Variants in MFAP1 observed in about 807,000 individuals in gnomAD.
MFAP1 encodes microfibril associated protein 1, also known as microfibrillar-associated protein 1.
Under a neutral mutation model 62.2 loss-of-function variants are expected in MFAP1, and 18 were observed. That is an observed-to-expected ratio of 0.29 (90% CI 0.20 to 0.43). The LOEUF is 0.43. Ranked by LOEUF, MFAP1 falls within the 20% of genes least tolerant of loss-of-function variation. MFAP1 has a pLI of 1.00. For missense variants in MFAP1, 355 were observed against 559.7 expected, an observed-to-expected ratio of 0.63 and a Z score of 3.69; for synonymous variants, 175 against 180.4, an observed-to-expected ratio of 0.97 and a Z score of 0.24.
At chr15:43,821,361 T>G (rs529761226) in intron 1 of MFAP1, among the ~76,000 whole-genome samples, 1 of 152,000 alleles carries the variant, frequency 6.6e-6, no homozygotes, top group Non-Finnish European at 1.5e-5. Context: ...CATTAAAAGT[T>G]GTCTCCAGGC....
intron 4 of MFAP1, 151 bp from the exon 5 acceptor site, chr15:43,813,508 C>CTTTT (rs10709037): frequency 2.8e-5 from 7 of 249,380 alleles, no homozygotes; most frequent in South Asian, 8.5e-5. Flanking sequence ...CATCCCAGGT[C>CTTTT]TTTTTTTTTT....
At chr15:43,808,526 G>A (rs2087379701) in intron 7 of MFAP1, among the ~76,000 whole-genome samples, 1 of 152,306 alleles carries the variant, frequency 6.6e-6, no homozygotes, top group Admixed American at 6.5e-5. Flanking sequence ...CTTTTCTTAT[G>A]TATCTTAACT....
intron 2 of MFAP1, among the ~76,000 whole-genome samples, chr15:43,816,237 T>G (rs1383257267): frequency 7.1e-6 from 1 of 141,270 alleles, no homozygotes; most frequent in Non-Finnish European, 1.5e-5. Flanking sequence ...TATTTTTTTT[T>G]CTTTTTTCTT....
At chr15:43,816,001 C>T (rs889550588) in intron 2 of MFAP1, among the ~76,000 whole-genome samples, 6 of 152,046 alleles carry the variant, frequency 3.9e-5, no homozygotes, top group African/African-American at 7.2e-5. Flanking sequence ...ACATTCCTTT[C>T]GAGAATATCG....
intron 2 of MFAP1, among the ~76,000 whole-genome samples, chr15:43,816,060 G>GA (rs2087431850): frequency 6.6e-6 from 1 of 151,994 alleles, no homozygotes; most frequent in Non-Finnish European, 1.5e-5. Context: ...AAAAGTAAAA[G>GA]AAAGTATAGT....
chr15:43,813,036 T>C lies in MFAP1; in HGVS notation c.838A>G (p.Lys280Glu). 4 of 1,614,210 alleles carry C rather than the reference T, an allele frequency of 2.5e-6. No homozygotes were observed. Among genetic ancestry groups the C allele is most frequent in the African/African-American group, 1.3e-5 (1 of 75,048 alleles). The change falls in exon 6 of 9, where the codon AAA becomes GAA. Residue 280 changes from lysine (K) to glutamate (E), a missense_variant. Physicochemically the swap from Lys to Glu is moderately conservative, Grantham distance 56 (BLOSUM62 1). Around this residue, in one of 6 missense-constraint regions of MFAP1, gnomAD observed 257 missense variants for 341.3 expected, o/e 0.75. Transcript: ENST00000267812. ...ENDEEEYEAW[K>E]VRELKRIKRD... ...TTGATTCTTTTTAGCTCTCGAACTT[T>C]CCATGCCTCATATTCCTCCTCATCA...
intron 7 of MFAP1, among the ~76,000 whole-genome samples, chr15:43,808,351 C>A (rs972417297): frequency 2.0e-5 from 3 of 152,130 alleles, no homozygotes; most frequent in African/African-American, 7.2e-5. Context: ...ACTACAGGCA[C>A]GGACCACCAC....
chr15:43,814,744 T>C, intron 3 of MFAP1, 56 bp from the exon 4 acceptor site: 1 of 1,572,870 alleles, frequency 6.4e-7, no homozygotes, highest in Admixed American at 1.8e-5. Context: ...TTTTTGTTCG[T>C]CTCATCAAAC....
At position 43,815,026 on chromosome 15, in the gene MFAP1, A is replaced by G. The variant is rs770460939; in HGVS notation, c.348T>C (p.Ser116=). The G allele has an allele frequency of 6.2e-7, 1 of 1,613,732 alleles. No individual in the cohort carries two copies. The highest frequency in any genetic ancestry group is 8.5e-7 in the Non-Finnish European group (1 of 1,179,952). Residue 116 remains serine, a synonymous_variant, in exon 3 of 9, where the codon AGT becomes AGC. Transcript: ENST00000267812. ...KIVEPEVVGE[S]DSEVEGDAWR... ...AAGCATCTCCTTCTACTTCTGAGTC[A>G]CTCTCTCCTACCACTTCAGGTTCCA...
intron 2 of MFAP1, among the ~76,000 whole-genome samples, chr15:43,815,733 A>G (rs1039448241): frequency 6.6e-6 from 1 of 151,966 alleles, no homozygotes; most frequent in African/African-American, 2.4e-5. Flanking sequence ...CCCAGGTTCA[A>G]GTGATAATCC....
intron 7 of MFAP1, among the ~76,000 whole-genome samples, 190 bp downstream of exon 7, chr15:43,809,565 T>A (rs1452088561): frequency 6.6e-6 from 1 of 152,066 alleles, no homozygotes; most frequent in Non-Finnish European, 1.5e-5. Context: ...GAACAGTTGA[T>A]GCTACTTCTG....
At chr15:43,812,885 G>A in intron 6 of MFAP1, 102 bp downstream of exon 6, 3 of 1,327,540 alleles carry the variant, frequency 2.3e-6, no homozygotes, top group Non-Finnish European at 3.1e-6. Context: ...AACTCTGAAG[G>A]TGGCTAGAAT....
chr15:43,817,428 C>T lies in MFAP1; in HGVS notation c.100G>A (p.Val34Met). 1 of 1,614,186 alleles carries T rather than the reference C, an allele frequency of 6.2e-7. No individual in the cohort carries two copies. Among genetic ancestry groups the T allele is most frequent in the Non-Finnish European group, 8.5e-7 (1 of 1,180,042 alleles). ...NEKGEISMEK[V>M]KVKRYVSGKR... ...CCGGACACATAACGCTTTACCTTCA[C>T]TTTTTCCATTGAAATCTCACCTGGG... The change falls in exon 2 of 9, where the codon GTG becomes ATG. Residue 34 changes from valine (V) to methionine (M), a missense_variant. By Grantham distance (21) the Val-to-Met change is conservative (BLOSUM62 1). Around this residue, in one of 6 missense-constraint regions of MFAP1, gnomAD observed 29 missense variants for 46.0 expected, o/e 0.63. Transcript: ENST00000267812.
At chr15:43,810,369 T>C (rs1187666256) in intron 6 of MFAP1, among the ~76,000 whole-genome samples, 2 of 151,898 alleles carry the variant, frequency 1.3e-5, no homozygotes, top group African/African-American at 2.4e-5. Context: ...CTTTTTTTTT[T>C]TTTTTTCTTT....
intron 7 of MFAP1, 112 bp downstream of exon 7, chr15:43,809,643 G>C: frequency 1.5e-6 from 2 of 1,302,822 alleles, no homozygotes; most frequent in Non-Finnish European, 2.1e-6. Flanking sequence ...TGAGAAAGCT[G>C]ACCACTGGCA....
At chr15:43,815,417 A>G (rs988861128) in intron 2 of MFAP1, among the ~76,000 whole-genome samples, 2 of 152,106 alleles carry the variant, frequency 1.3e-5, no homozygotes, top group African/African-American at 4.8e-5. Flanking sequence ...GACTTAGGCA[A>G]TCTGCCCACC....
Position 43,824,477 on chromosome 15 carries a change from T to C in MFAP1, c.79+14A>G, listed in dbSNP as rs1196802310. 6.2e-7 allele frequency: 1 copy of C among 1,613,600 alleles called. No individual in the cohort carries two copies. Among genetic ancestry groups the C allele is most frequent in the African/African-American group, 1.3e-5 (1 of 74,852 alleles). ...GGTTAAAATTCGACTGGGAAGAGGGTGTTAGCACCGTACCTTTCTCATTGC... is the reference window on the plus strand; with the variant it reads ...GGTTAAAATTCGACTGGGAAGAGGGCGTTAGCACCGTACCTTTCTCATTGC... On this transcript the variant is annotated intron_variant, in intron 1 of 8. Coordinates refer to ENST00000267812, the MANE Select transcript of MFAP1 (RefSeq NM_005926.3).
At chr15:43,814,323 G>A (rs769411117) in intron 4 of MFAP1, among the ~76,000 whole-genome samples, 178 bp downstream of exon 4, 1 of 152,188 alleles carries the variant, frequency 6.6e-6, no homozygotes, top group Non-Finnish European at 1.5e-5. Flanking sequence ...ACAAACTCAG[G>A]TTCTCTGCTA....
intron 7 of MFAP1, among the ~76,000 whole-genome samples, chr15:43,807,383 C>CTGT (rs1021374485): frequency 6.6e-5 from 10 of 150,444 alleles, no homozygotes; most frequent in Non-Finnish European, 1.2e-4. Context: ...CAGTCTCACT[C>CTGT]TGTCGCCCAG....
Sources: allele counts gnomAD v4.1 joint callset (sites outside exome capture counted in the v4.1 genomes callset), GRCh38; gene constraint gnomAD v4.1.1; regional missense constraint gnomAD v4.1.1; transcripts MANE v1.5; gene names NCBI Gene and HGNC (gene_info 2026-07-23, HGNC 2026-07-21).